The following PCDHA11 variants were observed in gnomAD, a reference collection of about 807,000 sequenced individuals.
The protein encoded by PCDHA11 is protocadherin alpha 11, also known as protocadherin alpha-11.
In PCDHA11, 61 loss-of-function variants were observed where a neutral mutation model predicts 70.3. That is an observed-to-expected ratio of 0.87 (90% CI 0.71 to 1.07). The LOEUF (loss-of-function observed/expected upper bound fraction) is 1.07. PCDHA11 is among the 50% of genes least tolerant of loss of function. PCDHA11 has a pLI of 0.00. For missense variants in PCDHA11, 1,324 were observed against 1,237.5 expected (o/e 1.07, Z -1.05); for synonymous variants, 633 against 555.1 (o/e 1.14, Z -1.97).
chr5:140,950,107 A>G (rs1196740444), intron 1 of PCDHA11, among the ~76,000 whole-genome samples: 1 of 151,920 alleles, frequency 6.6e-6, no homozygotes, highest in Non-Finnish European at 1.5e-5. Context: ...ATTAAATCTC[A>G]TACAATACAA....
intron 1 of PCDHA11, among the ~76,000 whole-genome samples, chr5:140,933,323 T>C (rs935740276): frequency 6.6e-6 from 1 of 152,016 alleles, no homozygotes; most frequent in Admixed American, 6.6e-5. Flanking sequence ...CGTATTCTCC[T>C]GTGCTGTAGA....
chr5:140,938,034 A>G (rs541380016), intron 1 of PCDHA11, among the ~76,000 whole-genome samples: 2 of 152,160 alleles, frequency 1.3e-5, no homozygotes, highest in South Asian at 4.2e-4. Flanking sequence ...TCATATTTTT[A>G]TATTTTGGGT....
chr5:140,967,838 G>A, intron 1 of PCDHA11: 1 of 1,614,124 alleles, frequency 6.2e-7, no homozygotes, highest in Non-Finnish European at 8.5e-7. Flanking sequence ...CATCGTGGAC[G>A]TGAATGACAA....
chr5:140,988,528 T>C (rs1391489747), intron 3 of PCDHA11, among the ~76,000 whole-genome samples: 1 of 152,194 alleles, frequency 6.6e-6, no homozygotes, highest in African/African-American at 2.4e-5. Flanking sequence ...CTCTGCTGGC[T>C]CCATCCATTC....
chr5:140,929,557 A>G (rs782792383), intron 1 of PCDHA11: 64 of 478,142 alleles, frequency 1.3e-4, no homozygotes, highest in Non-Finnish European at 1.9e-4. Flanking sequence ...ATTAAAACCT[A>G]TTTAAGAACA....
At chr5:140,919,176 C>A (rs2079027921) in intron 1 of PCDHA11, among the ~76,000 whole-genome samples, 2 of 152,184 alleles carry the variant, frequency 1.3e-5, no homozygotes, top group Non-Finnish European at 1.5e-5. Flanking sequence ...GTTGCTATAT[C>A]TTCCTGATTG....
intron 1 of PCDHA11, among the ~76,000 whole-genome samples, chr5:140,941,214 CCTTT>C (rs60032403): frequency 6.5e-5 from 8 of 122,492 alleles, no homozygotes; most frequent in Non-Finnish European, 1.2e-4. Context: ...TTTCTTTCTT[CCTTT>C]CTTTCTTTCT....
chr5:140,884,339 G>C, intron 1 of PCDHA11: 1 of 1,613,906 alleles, frequency 6.2e-7, no homozygotes, highest in African/African-American at 1.3e-5. Flanking sequence ...GGGTCCAGAA[G>C]CGGCGCTGGT....
intron 1 of PCDHA11, chr5:140,969,086 G>A: frequency 6.2e-7 from 1 of 1,614,190 alleles, no homozygotes; most frequent in Non-Finnish European, 8.5e-7. Context: ...TGGCCTCAAA[G>A]TGCAGCCTCA....
At chr5:140,965,951 T>C (rs1484541931) in intron 1 of PCDHA11, among the ~76,000 whole-genome samples, 3 of 152,172 alleles carry the variant, frequency 2.0e-5, no homozygotes, top group East Asian at 1.9e-4. Flanking sequence ...GCATTTGCCA[T>C]CCCCCTCCTT....
At chr5:140,941,214 C>CTTTCTTTCTTTCTTTTT (rs1554214039) in intron 1 of PCDHA11, among the ~76,000 whole-genome samples, 1 of 122,414 alleles carries the variant, frequency 8.2e-6, no homozygotes, top group East Asian at 2.3e-4. Context: ...TTTCTTTCTT[C>CTTTCTTTCTTTCTTTTT]CTTTCTTTCT....
intron 1 of PCDHA11, among the ~76,000 whole-genome samples, chr5:140,953,068 C>A (rs1243228817): frequency 6.6e-6 from 1 of 152,198 alleles, no homozygotes; most frequent in East Asian, 1.9e-4. Context: ...CAGGCCCCAT[C>A]TCCAACATTG....
At chr5:140,882,802 C>T (rs782615396) in intron 1 of PCDHA11, 21 of 1,614,206 alleles carry the variant, frequency 1.3e-5, no homozygotes, top group Non-Finnish European at 1.5e-5. Context: ...ACGATTATTT[C>T]ACTTTGGACG....
chr5:140,875,192 C>A, intron 1 of PCDHA11: 2 of 509,100 alleles, frequency 3.9e-6, no homozygotes, highest in Non-Finnish European at 6.3e-6. Context: ...AAGAGTGACC[C>A]AGGAAGTGGC....
At chr5:140,968,990 T>C in intron 1 of PCDHA11, 1 of 1,614,254 alleles carries the variant, frequency 6.2e-7, no homozygotes, top group Non-Finnish European at 8.5e-7. Flanking sequence ...CACTGCATGC[T>C]GTGGAGGCTT....
chr5:140,926,464 A>C (rs1445781673), intron 1 of PCDHA11: 1 of 159,892 alleles, frequency 6.3e-6, no homozygotes, highest in Non-Finnish European at 1.4e-5. Flanking sequence ...TGTCCTAGAA[A>C]ACACCGTTTA....
At chr5:140,881,048 C>T (rs1409752539) in intron 1 of PCDHA11, among the ~76,000 whole-genome samples, 1 of 152,142 alleles carries the variant, frequency 6.6e-6, no homozygotes, top group Non-Finnish European at 1.5e-5. Context: ...TAGAGTTGTG[C>T]ACAGAACAGG....
intron 1 of PCDHA11, chr5:140,882,906 C>G: frequency 6.2e-7 from 1 of 1,614,200 alleles, no homozygotes; most frequent in Non-Finnish European, 8.5e-7. Context: ...TTATTACTGA[C>G]AGCCAGTGAT....
Position 140,869,843 on chromosome 5 carries a change from A to C in PCDHA11, c.740A>C (p.Tyr247Ser). The change falls in exon 1 of 4, where the codon TAT (tyrosine) becomes TCT (serine). Residue 247 changes from tyrosine (Y) to serine (S), a missense_variant. Coordinates refer to ENST00000398640, the MANE Select transcript of PCDHA11 (RefSeq NM_018902.5). ...DNDPEFDKSE[Y>S]KVSLMENAAK... ...GATCCAGAGTTTGATAAATCAGAAT[A>C]TAAGGTGAGCCTTATGGAAAATGCT... 6.2e-7 allele frequency: 1 copy of C among 1,611,638 alleles called. No individual in the cohort carries two copies. The highest frequency in any genetic ancestry group is 2.2e-5 in the East Asian group (1 of 44,872).
Sources: gnomAD v4.1 joint callset for allele counts (sites outside exome capture counted in the v4.1 genomes callset) on GRCh38, gnomAD v4.1.1 for gene constraint, MANE v1.5 for transcripts, NCBI Gene and HGNC (gene_info 2026-07-23, HGNC 2026-07-21) for gene names.